TMEM39B: variants seen among roughly 807,000 people sequenced by gnomAD.
TMEM39B encodes the protein transmembrane protein 39B.
In TMEM39B, 23 loss-of-function variants were observed where a neutral mutation model predicts 52.2. The ratio of observed to expected loss-of-function variants is 0.44; its 90% CI spans 0.32 to 0.62. TMEM39B has a LOEUF of 0.62. Ranked by LOEUF, TMEM39B falls within the 20% of genes least tolerant of loss-of-function variation. The pLI, the probability that TMEM39B is intolerant of heterozygous loss-of-function variation, is 0.06. For missense variants in TMEM39B, 547 were observed against 642.0 expected (o/e 0.85, Z 1.60); for synonymous variants, 285 against 264.0 (o/e 1.08, Z -0.77).
intron 7 of TMEM39B, among the ~76,000 whole-genome samples, chr1:32,097,928 G>C (rs906013774): frequency 6.6e-6 from 1 of 151,976 alleles, no homozygotes; most frequent in African/African-American, 2.4e-5. Context: ...CACCGTGCCC[G>C]GCCCCCAACT....
At chr1:32,078,027 AC>A (rs1175097043) in intron 5 of TMEM39B, among the ~76,000 whole-genome samples, 1 of 151,116 alleles carries the variant, frequency 6.6e-6, no homozygotes, top group African/African-American at 2.4e-5. Flanking sequence ...TCGTTTCCCA[AC>A]CCCCAGGTTT....
intron 3 of TMEM39B, 41 bp downstream of exon 3, chr1:32,075,863 TGC>T (rs564078941): frequency 1.2e-4 from 144 of 1,157,944 alleles, no homozygotes; most frequent in Middle Eastern, 6.2e-4. Flanking sequence ...TGTGTGTGTG[TGC>T]GTGTGTGTGT....
At chr1:32,081,697 G>C (rs2985868) in intron 5 of TMEM39B, among the ~76,000 whole-genome samples, 2,392 of 150,846 alleles carry the variant, frequency 0.016, 36 homozygotes, top group Non-Finnish European at 0.023. Context: ...GCAGCGAGCT[G>C]AGTTTGCACC....
In TMEM39B at chr1:32,073,036, C is replaced by T. The variant is rs1166955724; in HGVS notation, c.-12C>T. On this transcript the variant is annotated 5_prime_UTR_variant, in exon 1 of 9. Coordinates refer to ENST00000336294, the MANE Select transcript of TMEM39B (RefSeq NM_018056.4). ...GCTGCGGCGGCGAAGCGGAGAGCAC[C>T]GGGGGGAGGAGATGGGTGAGCAGAG... The T allele has an allele frequency of 2.0e-6, 3 of 1,524,430 alleles. No homozygotes were observed. Among genetic ancestry groups the T allele is most frequent in the South Asian group, 1.2e-5 (1 of 82,012 alleles). 94.4% of individuals were successfully genotyped at this position (1,524,430 alleles called of 1,614,324 possible).
rs369324908 is a variant in TMEM39B at position 32,094,981 on chromosome 1, C to A, written c.1115+10C>A. Reference sequence around the variant, plus strand: ...ACGTGCTGCAGCACCCGTGAGTCACCCTACCCTGCTCAACCCAATCCCAGC... The same window carrying A: ...ACGTGCTGCAGCACCCGTGAGTCACACTACCCTGCTCAACCCAATCCCAGC... On this transcript the variant is annotated intron_variant, in intron 7 of 8. Coordinates refer to ENST00000336294, the MANE Select transcript of TMEM39B (RefSeq NM_018056.4). The A allele has an allele frequency of 1.6e-5, 26 of 1,611,864 alleles. No homozygotes were observed. The highest frequency in any genetic ancestry group is 2.7e-5 in the African/African-American group (2 of 74,904).
chr1:32,078,273 C>T (rs1639949658), intron 5 of TMEM39B, among the ~76,000 whole-genome samples: 1 of 152,026 alleles, frequency 6.6e-6, no homozygotes, highest in African/African-American at 2.4e-5. Flanking sequence ...TGCTTGAGTC[C>T]AGGGGTTTGA....
rs999585062 is a variant in TMEM39B at position 32,075,823 on chromosome 1, G to C, written c.351+1G>C. The C allele has an allele frequency of 2.0e-6, 3 of 1,486,892 alleles. No homozygotes were observed. The African/African-American group carries it at 4.2e-5, about 21-fold the overall frequency. 92.1% of individuals were successfully genotyped at this position (1,486,892 alleles called of 1,614,324 possible). On this transcript the variant is annotated splice_donor_variant, in intron 3 of 8. Transcript: ENST00000336294. LOFTEE classifies it high-confidence loss of function. Reference sequence around the variant, plus strand: ...CCACCCACCCTCCCACACCTCCCTGGTAGGTACCCAACAAGGGTGTGTGTG... The same window carrying C: ...CCACCCACCCTCCCACACCTCCCTGCTAGGTACCCAACAAGGGTGTGTGTG...
At chr1:32,073,302 A>C (rs990218066) in intron 1 of TMEM39B, 3 of 476,608 alleles carry the variant, frequency 6.3e-6, no homozygotes, top group Admixed American at 4.3e-5. Flanking sequence ...CGTGAGGACC[A>C]GCTCGTCGGG....
chr1:32,089,682 T>C (rs924935060), intron 5 of TMEM39B, among the ~76,000 whole-genome samples: 3 of 151,066 alleles, frequency 2.0e-5, no homozygotes, highest in Admixed American at 1.3e-4. Flanking sequence ...AGTCTCACTC[T>C]GTTACCCAGG....
At chr1:32,073,210 G>A in intron 1 of TMEM39B, 159 bp downstream of exon 1, 1 of 893,278 alleles carries the variant, frequency 1.1e-6, no homozygotes, top group African/African-American at 1.8e-5. Context: ...TCGTTTTGCG[G>A]GGTGGGGCCT....
In TMEM39B at chr1:32,075,863, T is replaced by TGC. The variant is rs564078941; in HGVS notation, c.351+43_351+44dup. 3.3e-4 allele frequency: 385 copies of TGC among 1,158,342 alleles called. 1 individual carries two copies. In the African/African-American group the frequency reaches 4.0e-3, roughly 12 times the overall value. The allele number at this position is 1,158,342 out of a possible 1,614,324, so 71.8% of individuals were successfully genotyped here. The stretch of plus-strand genomic sequence containing the variant: ...GGGTGTGTGTGTGTGTGTGTGTGTG[T>TGC]GCGTGTGTGTGTATGTGTGTGTGTG... On this transcript the variant is annotated intron_variant, in intron 3 of 8. Transcript: ENST00000336294.
intron 8 of TMEM39B, among the ~76,000 whole-genome samples, chr1:32,100,900 G>T (rs533443758): frequency 2.0e-5 from 3 of 151,884 alleles, no homozygotes; most frequent in Admixed American, 2.0e-4. Flanking sequence ...GTATGGTGGC[G>T]GGCGCCTGTA....
rs1456877781 is a variant in TMEM39B, at chr1:32,091,946, G to C, written c.862G>C (p.Glu288Gln). Residue 288 changes from glutamate (E) to glutamine (Q), a missense_variant, in exon 6 of 9, where the codon GAA becomes CAA. Coordinates refer to ENST00000336294, the MANE Select transcript of TMEM39B (RefSeq NM_018056.4). Reference sequence around the variant, plus strand: ...GATGGACTTCAACTGGCGCATGAAGGAAGTGCTCGTCAGCTCCATGCTGAG... The same window carrying C: ...GATGGACTTCAACTGGCGCATGAAGCAAGTGCTCGTCAGCTCCATGCTGAG... Reference protein sequence around the residue: ...LKMDFNWRMKEVLVSSMLSAY... With the variant: ...LKMDFNWRMKQVLVSSMLSAY... 1.9e-6 allele frequency: 3 copies of C among 1,614,106 alleles called. No homozygotes were observed.
chr1:32,091,643 A>G lies in TMEM39B; in HGVS notation c.591-32A>G, dbSNP rs148873454. On this transcript the variant is annotated intron_variant, in intron 5 of 8. Transcript: ENST00000336294. ...AGAGTTGGGATCCTGGCCCATGGGC[A>G]GGCCTTCCCTCACCACCGTCTTCCC... The G allele has an allele frequency of 6.5e-3, 10,069 of 1,555,288 alleles. 39 individuals carry two copies. Among genetic ancestry groups the G allele is most frequent in the Middle Eastern group, 0.01 (58 of 5,778 alleles).
intron 2 of TMEM39B, among the ~76,000 whole-genome samples, chr1:32,075,341 T>A (rs1315170844): frequency 6.6e-6 from 1 of 152,198 alleles, no homozygotes; most frequent in East Asian, 1.9e-4. Flanking sequence ...ACAAGTTGCC[T>A]CCCTTCTCTG....
rs76686918 is a variant in TMEM39B, at chr1:32,086,788, A to G, written c.591-4887A>G. Among the ~76,000 whole-genome samples, 935 of 151,892 alleles carry G rather than the reference A, an allele frequency of 6.2e-3. 12 individuals carry two copies. The highest frequency in any genetic ancestry group is 0.022 in the African/African-American group (893 of 41,444). On this transcript the variant is annotated intron_variant, in intron 5 of 8. Transcript: ENST00000336294. ...TCTCAAAAAAAAAAAAAGAGAGAGAAACTGAGGCTGGGCACAGTGGCTCAC... is the reference window on the plus strand; with the variant it reads ...TCTCAAAAAAAAAAAAAGAGAGAGAGACTGAGGCTGGGCACAGTGGCTCAC...
At chr1:32,073,235 GGACATT>G in intron 1 of TMEM39B, 184 bp downstream of exon 1, 6 of 665,856 alleles carry the variant, frequency 9.0e-6, no homozygotes, top group South Asian at 8.1e-5. Flanking sequence ...TGTGGGGGCG[GGACATT>G]GGACGGTGGG....
At chr1:32,090,749 C>T (rs1640571175) in intron 5 of TMEM39B, among the ~76,000 whole-genome samples, 1 of 152,164 alleles carries the variant, frequency 6.6e-6, no homozygotes, top group South Asian at 2.1e-4. Flanking sequence ...ACGCCATTCT[C>T]CTGCCTCAGC....
Position 32,073,058 on chromosome 1 carries a change from A to G in TMEM39B, c.4+7A>G. On this transcript the variant is annotated splice_region_variant and intron_variant, in intron 1 of 8. Coordinates refer to ENST00000336294, the MANE Select transcript of TMEM39B (RefSeq NM_018056.4). ...CACCGGGGGGAGGAGATGGGTGAGCAGAGCGGCTCAGGCTCGGCCTGGCAA... is the reference window on the plus strand; with the variant it reads ...CACCGGGGGGAGGAGATGGGTGAGCGGAGCGGCTCAGGCTCGGCCTGGCAA... 2.0e-6 allele frequency: 3 copies of G among 1,500,558 alleles called. No homozygotes were observed. Among genetic ancestry groups the G allele is most frequent in the South Asian group, 1.3e-5 (1 of 79,384 alleles). 93.0% of individuals were successfully genotyped at this position (1,500,558 alleles called of 1,614,324 possible).
Sources: gnomAD v4.1 joint callset for allele counts (sites outside exome capture counted in the v4.1 genomes callset) on GRCh38, gnomAD v4.1.1 for gene constraint, MANE v1.5 for transcripts, NCBI Gene and HGNC (gene_info 2026-07-23, HGNC 2026-07-21) for gene names.